PHACTR2: variants seen among roughly 807,000 people sequenced by gnomAD.
PHACTR2 encodes the protein phosphatase and actin regulator 2, also known as chromosome 6 open reading frame 56.
PHACTR2 carries 30 observed loss-of-function variants against 76.0 expected under a neutral mutation model. The observed-to-expected ratio is 0.39, with a 90% CI of 0.30 to 0.54. The LOEUF is 0.54. Ranked by LOEUF, PHACTR2 falls within the 20% of genes least tolerant of loss-of-function variation. The pLI is 0.61. For missense variants in PHACTR2, 696 were observed against 781.1 expected, an observed-to-expected ratio of 0.89 and a Z score of 1.30; for synonymous variants, 292 against 292.5, an observed-to-expected ratio of 1.00 and a Z score of 0.02.
At chr6:143,712,875 G>T (rs557206042) in intron 2 of PHACTR2, among the ~76,000 whole-genome samples, 1 of 152,310 alleles carries the variant, frequency 6.6e-6, no homozygotes, top group African/African-American at 2.4e-5. Context: ...AAGTTACATT[G>T]CTTAGTGCCT....
At position 143,578,802 on chromosome 6, in the gene PHACTR2, G is replaced by A. The variant is rs556009402; in HGVS notation, c.217+41595G>A. Among the ~76,000 whole-genome samples, 59 of 152,224 alleles carry A rather than the reference G, an allele frequency of 3.9e-4. No individual in the cohort carries two copies. Among genetic ancestry groups the A allele is most frequent in the African/African-American group, 1.3e-3 (54 of 41,532 alleles). Reference sequence around the variant, plus strand: ...GAAGTGAAAGCAGCTCAAAGATGAGGGAGAAGACGATGACCAAGTGGAATA... The same window carrying A: ...GAAGTGAAAGCAGCTCAAAGATGAGAGAGAAGACGATGACCAAGTGGAATA... On this transcript the variant is annotated intron_variant, in intron 1 of 11. Transcript: ENST00000367584. The surrounding 1 kb of genome is among the most constrained non-coding windows in gnomAD (Gnocchi z 4.5).
chr6:143,584,485 C>T (rs2128433511), intron 1 of PHACTR2, among the ~76,000 whole-genome samples: 1 of 152,260 alleles, frequency 6.6e-6, no homozygotes, highest in Admixed American at 6.5e-5. Context: ...ATCACATTCC[C>T]TATAGTCATG....
At chr6:143,704,399 T>C (rs1358091258) in intron 1 of PHACTR2, among the ~76,000 whole-genome samples, 2 of 152,146 alleles carry the variant, frequency 1.3e-5, no homozygotes, top group East Asian at 3.9e-4. Context: ...TTTCCAAAAC[T>C]CTTTCAGCTG....
chr6:143,711,027 G>T, intron 1 of PHACTR2: 1 of 516,616 alleles, frequency 1.9e-6, no homozygotes, highest in South Asian at 1.4e-5. Context: ...GTCAGTTTAC[G>T]GTTTTTTAAA....
rs13194847 is a variant in PHACTR2, at chr6:143,570,259, G to A, written c.217+33052G>A. Among the ~76,000 whole-genome samples, 1 of 152,010 alleles carries A rather than the reference G, an allele frequency of 6.6e-6. No homozygotes were observed. Among genetic ancestry groups the A allele is most frequent in the East Asian group, 1.9e-4 (1 of 5,180 alleles). ...ATTTGCTTTGCTGATATTAAAAAACGAGGTTGCTGTTGGTCTGAGTCACAG... is the reference window on the plus strand; with the variant it reads ...ATTTGCTTTGCTGATATTAAAAAACAAGGTTGCTGTTGGTCTGAGTCACAG... On this transcript the variant is annotated intron_variant, in intron 1 of 11. Coordinates refer to the PHACTR2 transcript ENST00000367584. The surrounding 1 kb of genome is among the most constrained non-coding windows in gnomAD (Gnocchi z 4.6).
intron 11 of PHACTR2, among the ~76,000 whole-genome samples, chr6:143,797,934 G>C (rs935745893): frequency 3.9e-5 from 6 of 152,194 alleles, no homozygotes; most frequent in African/African-American, 7.2e-5. Flanking sequence ...ATTCTGTGAA[G>C]AAAGTCAGTG....
At position 143,708,757 on chromosome 6, in the gene PHACTR2, G is replaced by A. The variant is rs564281790; in HGVS notation, c.47-3259G>A. On this transcript the variant is annotated intron_variant, in intron 1 of 12. Transcript: ENST00000440869. The surrounding 1 kb of genome is among the most constrained non-coding windows in gnomAD (Gnocchi z 5.5). ...GTACAATGGCACATCGGCCAACTGT[G>A]CCAACATATGGTTTCTAATTGCAAA... 3.3e-4 allele frequency among the ~76,000 whole-genome samples: 50 copies of A among 152,278 alleles called. No individual in the cohort carries two copies. The highest frequency in any genetic ancestry group is 1.2e-3 in the African/African-American group (48 of 41,554).
At chr6:143,576,875 CAAAAAAAAAAAAAAAAAAA>C (rs35937662) in intron 1 of PHACTR2, among the ~76,000 whole-genome samples, 1 of 102,552 alleles carries the variant, frequency 9.8e-6, no homozygotes. Flanking sequence ...GACTCTGTCT[CAAAAAAAAAAAAAAAAAAA>C]AAAAAAAAAA....
At chr6:143,814,707 A>C (rs1026110213) in intron 12 of PHACTR2, among the ~76,000 whole-genome samples, 2 of 144,986 alleles carry the variant, frequency 1.4e-5, no homozygotes, top group Non-Finnish European at 3.0e-5. Context: ...GGTTCACGCC[A>C]TTCTCCTGCC....
At position 143,697,387 on chromosome 6, in the gene PHACTR2, G is replaced by T. The variant is rs1185231315; in HGVS notation, c.47-14629G>T. 6.6e-6 allele frequency among the ~76,000 whole-genome samples: 1 copy of T among 152,208 alleles called. No homozygotes were observed. Among genetic ancestry groups the T allele is most frequent in the East Asian group, 1.9e-4 (1 of 5,206 alleles). On this transcript the variant is annotated intron_variant, in intron 1 of 12. Transcript: ENST00000440869. The surrounding 1 kb of genome is among the most constrained non-coding windows in gnomAD (Gnocchi z 4.4). ...TGAGAAAGAAGGAAATGTTAACAAA[G>T]AGAGTGCTCTTGAAGAAATTAATTT... is the stretch of plus-strand genomic sequence containing the variant.
Position 143,774,239 on chromosome 6 carries a change from G to A in PHACTR2, c.1589+24G>A, listed in dbSNP as rs761209581. On this transcript the variant is annotated intron_variant, in intron 8 of 12. Transcript: ENST00000440869. The surrounding 1 kb of genome is among the most constrained non-coding windows in gnomAD (Gnocchi z 5.4). ...AGGTAATTGCTAACATTTTAGGACA[G>A]TACTGACTAATTTGTATTTTTCTCC... The A allele has an allele frequency of 1.3e-5, 20 of 1,595,364 alleles. No homozygotes were observed. The South Asian group carries it at 2.1e-4, about 17-fold the overall frequency.
rs1313412159 is a variant in PHACTR2, at chr6:143,564,062, A to G, written c.217+26855A>G. ...CTGTCTATGGAATTTTTTACTTCAC[A>G]TAAGCTGAGAGAAGTCAAACTTGGG... is the stretch of plus-strand genomic sequence containing the variant. On this transcript the variant is annotated intron_variant, in intron 1 of 11. Transcript: ENST00000367584. 4.0e-5 allele frequency among the ~76,000 whole-genome samples: 6 copies of G among 151,508 alleles called. No homozygotes were observed. The East Asian group carries it at 5.8e-4, about 15-fold the overall frequency.
intron 11 of PHACTR2, among the ~76,000 whole-genome samples, chr6:143,798,236 G>C (rs576487555): frequency 4.6e-5 from 7 of 152,244 alleles, no homozygotes; most frequent in African/African-American, 1.4e-4. Context: ...TGTGATTTTT[G>C]CACATTGATT....
At position 143,652,390 on chromosome 6, in the gene PHACTR2, C is replaced by CTGTTTGTTTGTTTGTTTGTT. The variant is rs112494577; in HGVS notation, c.13+44078_13+44097dup. Among the ~76,000 whole-genome samples, 10 of 151,880 alleles carry CTGTTTGTTTGTTTGTTTGTT rather than the reference C, an allele frequency of 6.6e-5. No individual in the cohort carries two copies. The highest frequency in any genetic ancestry group is 2.4e-4 in the African/African-American group (10 of 41,274). ...CAGCTAGACAAAGGTACCTGCGCTG[C>CTGTTTGTTTGTTTGTTTGTT]TGTTTGTTTGTTTGTTTGTTTGTTT... On this transcript the variant is annotated intron_variant, in intron 1 of 11. Coordinates refer to the PHACTR2 transcript ENST00000305766. This position sits in a 1 kb window ranked among gnomAD's most constrained non-coding sequence, Gnocchi z 4.5.
intron 6 of PHACTR2, among the ~76,000 whole-genome samples, chr6:143,768,591 C>T (rs1305971041): frequency 6.6e-6 from 1 of 152,190 alleles, no homozygotes; most frequent in African/African-American, 2.4e-5. Context: ...TTCATTTCCA[C>T]AAATATTTAA....
intron 2 of PHACTR2, among the ~76,000 whole-genome samples, chr6:143,747,919 CA>C (rs1779101873): frequency 6.6e-6 from 1 of 152,178 alleles, no homozygotes; most frequent in African/African-American, 2.4e-5. Context: ...ATACTATACA[CA>C]CTCAAGGGGA....
intron 1 of PHACTR2, among the ~76,000 whole-genome samples, chr6:143,572,523 GTTTGTTTT>G (rs948440810): frequency 6.6e-6 from 1 of 152,012 alleles, no homozygotes; most frequent in Non-Finnish European, 1.5e-5. Flanking sequence ...TTTTTTGTTT[GTTTGTTTT>G]TTTGTTTTGT....
rs1472510683 is a variant in PHACTR2, at chr6:143,712,145, A to G, written c.176A>G (p.Lys59Arg). ...ATCTTTAAGCCTTGGAAATGGAGGAAAAAGAAGACCAGCGACAAATTTAGA... is the reference window on the plus strand; with the variant it reads ...ATCTTTAAGCCTTGGAAATGGAGGAGAAAGAAGACCAGCGACAAATTTAGA... ...GKIFKPWKWR[K>R]KKTSDKFRET... The change falls in exon 2 of 13, where the codon AAA (lysine) becomes AGA (arginine). Residue 59 changes from lysine (K) to arginine (R), a missense_variant. By Grantham distance (26) the Lys-to-Arg change is conservative (BLOSUM62 2). Transcript: ENST00000440869. 1 of 1,561,404 alleles carries G rather than the reference A, an allele frequency of 6.4e-7. No homozygotes were observed. Among genetic ancestry groups the G allele is most frequent in the African/African-American group, 1.4e-5 (1 of 72,326 alleles).
intron 1 of PHACTR2, among the ~76,000 whole-genome samples, chr6:143,629,557 G>A (rs1173875851): frequency 3.3e-5 from 5 of 152,142 alleles, no homozygotes; most frequent in Non-Finnish European, 5.9e-5. Flanking sequence ...ACAAATTAGT[G>A]AGAACTGTGG....
Sources: allele counts gnomAD v4.1 joint callset (sites outside exome capture counted in the v4.1 genomes callset), GRCh38; gene constraint gnomAD v4.1.1; non-coding constraint Gnocchi (gnomAD v3.1); transcripts MANE v1.5; gene names NCBI Gene and HGNC (gene_info 2026-07-23, HGNC 2026-07-21).